KLHL21: variants seen among roughly 807,000 people sequenced by gnomAD.
KLHL21 encodes the protein kelch-like protein 21.
In KLHL21, 42 loss-of-function variants were observed where a neutral mutation model predicts 44.1. The observed-to-expected ratio is 0.95, with a 90% confidence interval of 0.74 to 1.23. The LOEUF (loss-of-function observed/expected upper bound fraction) is 1.23. Among genes scored for constraint, KLHL21 ranks in the 50% most tolerant of loss-of-function variants. The probability of loss-of-function intolerance (pLI) is 0.00; values close to 1 mark genes in which losing one functional copy is unlikely to be tolerated. For missense variants in KLHL21, 918 were observed against 889.1 expected (o/e 1.03, Z -0.41); for synonymous variants, 524 against 411.6 (o/e 1.27, Z -3.31).
At chr1:6,596,975 C>G (rs1369396779) in intron 2 of KLHL21, among the ~76,000 whole-genome samples, 4 of 152,208 alleles carry the variant, frequency 2.6e-5, no homozygotes, top group African/African-American at 9.6e-5. Context: ...CTTGAAGAGC[C>G]AAAGTGCGCA....
chr1:6,602,600 C>T lies in KLHL21; in HGVS notation c.218G>A (p.Arg73His), dbSNP rs1042875973. The stretch of plus-strand genomic sequence containing the variant: ...TCCGTGCAGGCGCACCCGCTCGGCG[C>T]GGCTCTCGCGCAGCTGCCCCGCGAA... ...AMFAGQLRES[R>H]AERVRLHGVP... Residue 73 changes from arginine (R) to histidine (H), a missense_variant, in exon 1 of 4, where the codon CGC becomes CAC. Coordinates refer to ENST00000377658, the MANE Select transcript of KLHL21 (RefSeq NM_014851.4). 2.0e-6 allele frequency: 3 copies of T among 1,525,878 alleles called. No individual in the cohort carries two copies. Among genetic ancestry groups the T allele is most frequent in the East Asian group, 2.5e-5 (1 of 40,138 alleles). 94.5% of individuals were successfully genotyped at this position (1,525,878 alleles called of 1,614,324 possible).
intron 1 of KLHL21, among the ~76,000 whole-genome samples, chr1:6,601,442 C>T (rs926953646): frequency 1.3e-5 from 2 of 152,162 alleles, no homozygotes; most frequent in African/African-American, 4.8e-5. Flanking sequence ...CGGCCTCCTG[C>T]CCGTCCCTGG....
chr1:6,596,827 G>C (rs751038910), intron 2 of KLHL21, among the ~76,000 whole-genome samples: 3 of 152,214 alleles, frequency 2.0e-5, no homozygotes, highest in Non-Finnish European at 2.9e-5. Flanking sequence ...TTTTGTACCA[G>C]AACCAAGGGG....
At chr1:6,593,804 C>A in intron 3 of KLHL21, 146 bp from the exon 4 acceptor site, 1 of 1,383,616 alleles carries the variant, frequency 7.2e-7, no homozygotes, top group Non-Finnish European at 9.4e-7. Context: ...GAGAGGCCAA[C>A]CCCTTTCCAA....
chr1:6,594,977 G>A (rs1032227809), intron 3 of KLHL21: 1 of 188,190 alleles, frequency 5.3e-6, no homozygotes, highest in Non-Finnish European at 1.1e-5. Context: ...GGAGGACTGC[G>A]AGTCAAGGAG....
rs1305986403 is a variant in KLHL21, at chr1:6,602,174, G to A, written c.644C>T (p.Ala215Val). The part of the protein sequence containing the change: ...WVRADPPRRA[A>V]HWPQLLEAVR... Reference sequence around the variant, plus strand: ...GGCCTCCAGCAGCTGCGGCCAGTGCGCGGCGCGGCGCGGCGGGTCAGCGCG... The same window carrying A: ...GGCCTCCAGCAGCTGCGGCCAGTGCACGGCGCGGCGCGGCGGGTCAGCGCG... Residue 215 changes from alanine (A) to valine (V), a missense_variant, in exon 1 of 4, where the codon GCG becomes GTG. Physicochemically the swap from Ala to Val is moderately conservative, Grantham distance 64. Transcript: ENST00000377658. 8 of 1,428,740 alleles carry A rather than the reference G, an allele frequency of 5.6e-6. No individual in the cohort carries two copies. Among genetic ancestry groups the A allele is most frequent in the Non-Finnish European group, 6.4e-6 (7 of 1,102,016 alleles). 88.5% of individuals were successfully genotyped at this position (1,428,740 alleles called of 1,614,324 possible).
At position 6,602,834 on chromosome 1, in the gene KLHL21, T is replaced by A. The variant is rs1409640505; in HGVS notation, c.-17A>T. The A allele has an allele frequency of 2.8e-6, 4 of 1,404,602 alleles. No homozygotes were observed. In the East Asian group the frequency reaches 9.1e-5, roughly 32 times the overall value. The allele number at this position is 1,404,602 out of a possible 1,614,324, so 87.0% of individuals were successfully genotyped here. A position where few individuals can be genotyped will look rare whatever the true frequency, so the allele number is the denominator to read the frequency against. On this transcript the variant is annotated 5_prime_UTR_variant, in exon 1 of 4. Transcript: ENST00000377658. ...TCGCTCCATGGCGCCTTCGATAGGT[T>A]GTCGAGGACGCCGCGGCCGGGGCCT...
rs1179248900 is a variant in KLHL21 at position 6,591,244 on chromosome 1, G to A, written c.*2121C>T. ...TAAACCCAAAGACAGGGTCCTGATG[G>A]TGGAGACCTGGGTAGGTCCGGAGGA... On this transcript the variant is annotated 3_prime_UTR_variant, in exon 4 of 4. Transcript: ENST00000377658. The A allele has an allele frequency of 5.4e-6, 2 of 370,676 alleles. No homozygotes were observed. Among genetic ancestry groups the A allele is most frequent in the South Asian group, 1.5e-4 (1 of 6,752 alleles). The allele number at this position is 370,676 out of a possible 1,614,324, so 23.0% of individuals were successfully genotyped here.
chr1:6,599,551 T>G, intron 1 of KLHL21, 99 bp from the exon 2 acceptor site: 2 of 1,253,046 alleles, frequency 1.6e-6, no homozygotes, highest in East Asian at 2.5e-5. Flanking sequence ...TTGGGAGGAA[T>G]TAACATCACT....
chr1:6,600,114 C>T (rs1277954577), intron 1 of KLHL21, among the ~76,000 whole-genome samples: 1 of 152,104 alleles, frequency 6.6e-6, no homozygotes, highest in African/African-American at 2.4e-5. Context: ...GGCATGATCT[C>T]AGCTTACTGC....
chr1:6,599,754 C>T (rs1047598064), intron 1 of KLHL21: 36 of 400,490 alleles, frequency 9.0e-5, no homozygotes, highest in African/African-American at 6.2e-4. Flanking sequence ...ACATACACCT[C>T]AGCAGACCAG....
chr1:6,601,955 A>C lies in KLHL21; in HGVS notation c.863T>G (p.Leu288Arg). 1.3e-6 allele frequency: 2 copies of C among 1,559,496 alleles called. No individual in the cohort carries two copies. Among genetic ancestry groups the C allele is most frequent in the Non-Finnish European group, 1.7e-6 (2 of 1,152,242 alleles). Residue 288 changes from leucine to arginine, a missense_variant, in exon 1 of 4, where the codon CTC becomes CGC. Leu to Arg is a moderately radical substitution (Grantham distance 102). Transcript: ENST00000377658. Reference protein sequence around the residue: ...PRPSTGLAEILVLVGGCDQDC... With the variant: ...PRPSTGLAEIRVLVGGCDQDC... The stretch of plus-strand genomic sequence containing the variant: ...CTGGTCGCAGCCGCCCACGAGCACG[A>C]GGATCTCGGCGAGACCGGTGGACGG...
intron 2 of KLHL21, among the ~76,000 whole-genome samples, chr1:6,598,098 C>G (rs1346571858): frequency 6.6e-6 from 1 of 152,206 alleles, no homozygotes; most frequent in African/African-American, 2.4e-5. Context: ...TGGGGTTTTC[C>G]TTAAACCCAA....
At chr1:6,600,966 C>A (rs1033834267) in intron 1 of KLHL21, among the ~76,000 whole-genome samples, 1 of 152,218 alleles carries the variant, frequency 6.6e-6, no homozygotes, top group East Asian at 1.9e-4. Context: ...GGCTCTCTCG[C>A]GAACATGCAA....
Position 6,602,453 on chromosome 1 carries a change from T to C in KLHL21, c.365A>G (p.Lys122Arg). ...CTGCAGGAAGGCCCCGCACGCCTCC[T>C]TCACGGCCGGGAACTGCAGCAGGTC... ...AADLLQFPAVKEACGAFLQQQ... is the reference protein window; with the variant it reads ...AADLLQFPAVREACGAFLQQQ... The change falls in exon 1 of 4, where the codon AAG (lysine) becomes AGG (arginine). Residue 122 changes from lysine (K) to arginine (R), a missense_variant. Coordinates refer to ENST00000377658, the MANE Select transcript of KLHL21 (RefSeq NM_014851.4). 1.3e-6 allele frequency: 2 copies of C among 1,583,148 alleles called. No individual in the cohort carries two copies. Among genetic ancestry groups the C allele is most frequent in the Non-Finnish European group, 8.5e-7 (1 of 1,170,434 alleles).
chr1:6,593,961 C>T, intron 3 of KLHL21: 1 of 1,186,586 alleles, frequency 8.4e-7, no homozygotes, highest in Non-Finnish European at 1.0e-6. Flanking sequence ...TCTGCAGTGG[C>T]CCTCTGGGCT....
intron 2 of KLHL21, among the ~76,000 whole-genome samples, chr1:6,597,972 C>T (rs1392264741): frequency 6.6e-6 from 1 of 152,238 alleles, no homozygotes; most frequent in African/African-American, 2.4e-5. Flanking sequence ...TCATCAAGGC[C>T]AGCAGACATA....
At position 6,590,817 on chromosome 1, in the gene KLHL21, A is replaced by G; in HGVS notation, c.*2548T>C. The G allele has an allele frequency of 2.5e-6, 1 of 397,790 alleles. No homozygotes were observed. Among genetic ancestry groups the G allele is most frequent in the Non-Finnish European group, 4.4e-6 (1 of 225,774 alleles). The allele number at this position is 397,790 out of a possible 1,614,324, so 24.6% of individuals were successfully genotyped here. On this transcript the variant is annotated 3_prime_UTR_variant, in exon 4 of 4. Transcript: ENST00000377658. ...ATGGAAGCCTACAGAATAGACAAAA[A>G]TAAATATGTCAACCTGCCCGACCCT...
chr1:6,598,945 T>A, intron 2 of KLHL21, 102 bp downstream of exon 2: 5 of 1,229,552 alleles, frequency 4.1e-6, no homozygotes, highest in Non-Finnish European at 5.6e-6. Context: ...TAGGCCTCAG[T>A]TTCTCATCTG....
Sources: allele counts gnomAD v4.1 joint callset (sites outside exome capture counted in the v4.1 genomes callset), GRCh38; gene constraint gnomAD v4.1.1; transcripts MANE v1.5; gene names NCBI Gene and HGNC (gene_info 2026-07-23, HGNC 2026-07-21).